The following DMD variants were observed in gnomAD, a reference collection of about 807,000 sequenced individuals.
The protein encoded by DMD is mutant dystrophin.
In DMD, 63 loss-of-function variants were observed where a neutral mutation model predicts 330.1. The observed-to-expected ratio is 0.19, with a 90% CI of 0.16 to 0.24. The LOEUF is 0.24. DMD is among the 10% of genes least tolerant of loss of function. The probability of loss-of-function intolerance (pLI) is 1.00; values close to 1 mark genes in which losing one functional copy is unlikely to be tolerated. For synonymous variants in DMD, 1,223 were observed against 959.8 expected, an observed-to-expected ratio of 1.27 and a Z score of -5.07; for missense variants, 3,344 against 2,684.1, an observed-to-expected ratio of 1.25 and a Z score of -5.43.
intron 54 of DMD, among the ~76,000 whole-genome samples, chrX:31,639,081 A>C (rs1603433582): frequency 8.9e-6 from 1 of 112,038 alleles, no homozygotes; most frequent in East Asian, 2.8e-4. Flanking sequence ...CAACTGTATC[A>C]CTCAGAAATA....
At chrX:32,673,913 T>A (rs2061794985) in intron 9 of DMD, among the ~76,000 whole-genome samples, 1 of 111,647 alleles carries the variant, frequency 9.0e-6, no homozygotes, top group African/African-American at 3.3e-5. Context: ...TGAAAGCCTA[T>A]AAATAGTAAA....
chrX:33,163,564 A>ATATATATATATG (rs1192048878), intron 1 of DMD, among the ~76,000 whole-genome samples: 4 of 105,140 alleles, frequency 3.8e-5, no homozygotes, highest in Non-Finnish European at 7.7e-5. Flanking sequence ...ATATATATAT[A>ATATATATATATG]TATATATATA....
chrX:32,636,380 T>C (rs1456873235), intron 11 of DMD, among the ~76,000 whole-genome samples: 2 of 111,804 alleles, frequency 1.8e-5, no homozygotes, highest in African/African-American at 6.5e-5. Flanking sequence ...AAGTTCCCCA[T>C]CCAACAACTA....
chrX:32,593,047 C>A (rs976404601), intron 13 of DMD, among the ~76,000 whole-genome samples: 3 of 112,843 alleles, frequency 2.7e-5, no homozygotes, highest in Non-Finnish European at 5.6e-5. Flanking sequence ...CTGTGCCTGG[C>A]TTGCCCTTGG....
rs1156650993 is a variant in DMD at position 32,629,063 on chromosome X, C to T, written c.1332-14610G>A. ...ACACTGCATAATAAGTCTGATGTTTCTTTGTTGATTTTATGTCTGGATGAT... is the reference window on the plus strand; with the variant it reads ...ACACTGCATAATAAGTCTGATGTTTTTTTGTTGATTTTATGTCTGGATGAT... On this transcript the variant is annotated intron_variant, in intron 11 of 78. Transcript: ENST00000357033. Among the ~76,000 whole-genome samples, 3 of 111,484 alleles carry T rather than the reference C, an allele frequency of 2.7e-5. No homozygotes were observed. The Admixed American group carries it at 2.9e-4, about 11-fold the overall frequency.
At chrX:32,690,290 ATAAAC>A (rs1444510194) in intron 9 of DMD, among the ~76,000 whole-genome samples, 2 of 111,409 alleles carry the variant, frequency 1.8e-5, no homozygotes, top group Non-Finnish European at 3.8e-5. Flanking sequence ...GAAAACAGTA[ATAAAC>A]TAAAGAGGTC....
At chrX:32,216,514 AT>A (rs1319003565) in intron 44 of DMD, among the ~76,000 whole-genome samples, 1 of 111,997 alleles carries the variant, frequency 8.9e-6, no homozygotes, top group African/African-American at 3.2e-5. Context: ...CAGAACTGTA[AT>A]TTTATCATGA....
intron 60 of DMD, among the ~76,000 whole-genome samples, chrX:31,393,473 T>C (rs1257351832): frequency 2.5e-5 from 2 of 81,028 alleles, no homozygotes; most frequent in East Asian, 7.9e-4. Context: ...TGAGACTCCA[T>C]CTCAAAAAAA....
intron 44 of DMD, among the ~76,000 whole-genome samples, chrX:32,169,623 G>A (rs2096880241): frequency 1.8e-5 from 2 of 111,721 alleles, no homozygotes; most frequent in East Asian, 2.8e-4. Flanking sequence ...TGAAGGAGGT[G>A]TCACTATTAC....
At chrX:32,639,825 A>T (rs1183466906) in intron 11 of DMD, among the ~76,000 whole-genome samples, 3 of 111,212 alleles carry the variant, frequency 2.7e-5, no homozygotes, top group African/African-American at 9.8e-5. Context: ...CCTTATCCCC[A>T]TACAAAATAA....
intron 11 of DMD, among the ~76,000 whole-genome samples, chrX:32,624,892 G>A (rs973185312): frequency 6.3e-5 from 7 of 111,856 alleles, no homozygotes; most frequent in African/African-American, 2.3e-4. Flanking sequence ...GTAGGAAGGC[G>A]GCTGGGTGCG....
intron 7 of DMD, among the ~76,000 whole-genome samples, chrX:32,709,038 T>G (rs963082502): frequency 2.5e-4 from 28 of 112,192 alleles, no homozygotes; most frequent in African/African-American, 9.1e-4. Context: ...ACACACCCAA[T>G]CAAGAAGTAG....
At chrX:31,142,283 T>C (rs2036151631) in intron 76 of DMD, among the ~76,000 whole-genome samples, 1 of 111,654 alleles carries the variant, frequency 9.0e-6, no homozygotes, top group African/African-American at 3.3e-5. Context: ...AGGGGTGAAG[T>C]GTTATGTATG....
At chrX:31,297,915 G>T (rs752132481) in intron 62 of DMD, among the ~76,000 whole-genome samples, 1 of 112,283 alleles carries the variant, frequency 8.9e-6, no homozygotes, top group Non-Finnish European at 1.9e-5. Context: ...CAGAATCACT[G>T]GGTTACAGCC....
intron 44 of DMD, among the ~76,000 whole-genome samples, chrX:32,073,363 A>G (rs4829245): frequency 0.074 from 8,229 of 111,540 alleles, 316 homozygotes; most frequent in East Asian, 0.24. Context: ...GCCTTGAGAA[A>G]TTCTCCAGGA....
At chrX:32,955,640 G>C (rs1047877670) in intron 2 of DMD, among the ~76,000 whole-genome samples, 1 of 111,262 alleles carries the variant, frequency 9.0e-6, no homozygotes, top group African/African-American at 3.3e-5. Context: ...GGTATTGCCC[G>C]GGTTGTCTTC....
At chrX:32,663,288 T>C (rs1251225252) in intron 9 of DMD, among the ~76,000 whole-genome samples, 2 of 111,593 alleles carry the variant, frequency 1.8e-5, no homozygotes, top group Non-Finnish European at 3.8e-5. Context: ...ATCATGAAAA[T>C]AATAATGTGT....
chrX:32,387,446 A>G (rs966552209), intron 32 of DMD, among the ~76,000 whole-genome samples: 1 of 111,482 alleles, frequency 9.0e-6, no homozygotes, highest in African/African-American at 3.2e-5. Context: ...ATCAGTACTT[A>G]TTTTAGTATT....
intron 64 of DMD, among the ~76,000 whole-genome samples, chrX:31,219,406 G>A (rs1441738911): frequency 9.0e-6 from 1 of 110,831 alleles, no homozygotes; most frequent in East Asian, 2.8e-4. Flanking sequence ...TTTCAACTCC[G>A]CCCTCTCTCT....
Sources: allele counts gnomAD v4.1 joint callset (sites outside exome capture counted in the v4.1 genomes callset), GRCh38; gene constraint gnomAD v4.1.1; transcripts MANE v1.5; gene names NCBI Gene and HGNC (gene_info 2026-07-23, HGNC 2026-07-21).